NEDD4L: variants seen among roughly 807,000 people sequenced by gnomAD.
NEDD4L encodes the protein NEDD4 like E3 ubiquitin protein ligase.
A neutral mutation model predicts 148.9 loss-of-function variants in NEDD4L; 54 were observed. That is an observed-to-expected ratio of 0.36 (90% CI 0.29 to 0.45). NEDD4L has a LOEUF of 0.45. Among genes scored for constraint, NEDD4L ranks in the 20% least tolerant of loss-of-function variants. The probability of loss-of-function intolerance (pLI) is 1.00; values close to 1 mark genes in which losing one functional copy is unlikely to be tolerated. For synonymous variants in NEDD4L, 433 were observed against 440.7 expected, an observed-to-expected ratio of 0.98 and a Z score of 0.22; for missense variants, 856 against 1,233.8, an observed-to-expected ratio of 0.69 and a Z score of 4.59.
In NEDD4L at chr18:58,082,352, C is replaced by T. The variant is rs374951087; in HGVS notation, c.48+37644C>T. On this transcript the variant is annotated intron_variant, in intron 1 of 30. Transcript: ENST00000400345. ...CGAACTTCTGACCTCGTGATCCACC[C>T]GCCTCTGCCTCCCAAAGTGCTGGGA... Among the ~76,000 whole-genome samples, 221 of 149,024 alleles carry T rather than the reference C, an allele frequency of 1.5e-3. 2 individuals are homozygous for T. The highest frequency in any genetic ancestry group is 6.1e-4 in the Non-Finnish European group (41 of 67,296).
chr18:58,375,907 A>G (rs2047501931), intron 24 of NEDD4L, among the ~76,000 whole-genome samples: 1 of 152,194 alleles, frequency 6.6e-6, no homozygotes, highest in South Asian at 2.1e-4. Flanking sequence ...AGGGTCTTAA[A>G]CTGCCAATTT....
At chr18:58,301,710 T>G (rs1156356436) in intron 5 of NEDD4L, among the ~76,000 whole-genome samples, 1 of 152,206 alleles carries the variant, frequency 6.6e-6, no homozygotes, top group Non-Finnish European at 1.5e-5. Flanking sequence ...CAAGCTGTTG[T>G]CTGTGAATCG....
At chr18:58,064,885 G>A (rs2082520734) in intron 1 of NEDD4L, among the ~76,000 whole-genome samples, 1 of 152,128 alleles carries the variant, frequency 6.6e-6, no homozygotes, top group African/African-American at 2.4e-5. Flanking sequence ...AGGATTGCGT[G>A]AGGCCAGGAG....
chr18:58,099,205 G>A (rs1456549993), intron 1 of NEDD4L, among the ~76,000 whole-genome samples: 1 of 151,152 alleles, frequency 6.6e-6, no homozygotes, highest in Non-Finnish European at 1.5e-5. Context: ...TTGGAGACAA[G>A]TTTTTTTCTC....
At chr18:58,335,624 T>A (rs2041645989) in intron 13 of NEDD4L, 87 bp downstream of exon 13, 5 of 999,248 alleles carry the variant, frequency 5.0e-6, no homozygotes, top group Admixed American at 3.4e-5. Flanking sequence ...ACGCTGTTTT[T>A]AAAAATAAGA....
At chr18:58,175,286 C>T (rs922147950) in intron 2 of NEDD4L, among the ~76,000 whole-genome samples, 5 of 152,302 alleles carry the variant, frequency 3.3e-5, no homozygotes, top group East Asian at 1.9e-4. Context: ...GGTGGGACTG[C>T]GCCTTTCTGG....
chr18:58,249,965 GTTAACTCTGAAATATAGCTTT>G (rs2047700220), intron 4 of NEDD4L, among the ~76,000 whole-genome samples: 1 of 152,326 alleles, frequency 6.6e-6, no homozygotes, highest in African/African-American at 2.4e-5. Context: ...TTGGCCTTTA[GTTAACTCTGAAATATAGCTTT>G]CCACTTGTGA....
intron 1 of NEDD4L, among the ~76,000 whole-genome samples, chr18:58,080,276 C>G (rs2083364800): frequency 6.6e-6 from 1 of 152,220 alleles, no homozygotes; most frequent in Non-Finnish European, 1.5e-5. Context: ...AGACACCTGG[C>G]TCCGGCATAT....
At chr18:58,232,405 G>A (rs1250119682) in intron 2 of NEDD4L, among the ~76,000 whole-genome samples, 1 of 152,220 alleles carries the variant, frequency 6.6e-6, no homozygotes, top group Non-Finnish European at 1.5e-5. Context: ...TCTCCAGTGT[G>A]TGTCCAGCTT....
At chr18:58,263,137 G>A (rs150465139) in intron 5 of NEDD4L, among the ~76,000 whole-genome samples, 18 of 152,236 alleles carry the variant, frequency 1.2e-4, no homozygotes, top group African/African-American at 4.1e-4. Context: ...TTTAGTATTC[G>A]GAAACTTTGT....
chr18:58,307,775 G>T (rs933777415), intron 5 of NEDD4L, among the ~76,000 whole-genome samples: 5 of 152,142 alleles, frequency 3.3e-5, no homozygotes, highest in Non-Finnish European at 7.4e-5. Flanking sequence ...TTGAACCCCT[G>T]GTGTACTTAG....
At chr18:58,144,482 C>T (rs1291685826) in intron 1 of NEDD4L, among the ~76,000 whole-genome samples, 1 of 152,176 alleles carries the variant, frequency 6.6e-6, no homozygotes, top group African/African-American at 2.4e-5. Context: ...AGCCCCACCT[C>T]CAACACCGGG....
intron 1 of NEDD4L, among the ~76,000 whole-genome samples, chr18:58,069,118 A>G (rs2082745678): frequency 7.0e-6 from 1 of 142,660 alleles, no homozygotes; most frequent in Non-Finnish European, 1.5e-5. Context: ...CCTGTGTGAT[A>G]GAGTGAGAAT....
At chr18:58,357,318 G>A (rs1161686349) in intron 19 of NEDD4L, 66 bp downstream of exon 19, 1 of 1,318,896 alleles carries the variant, frequency 7.6e-7, no homozygotes, top group South Asian at 1.2e-5. Flanking sequence ...TGTTTCTTGT[G>A]TATTACTGAT....
intron 1 of NEDD4L, among the ~76,000 whole-genome samples, chr18:58,095,010 G>C (rs1264291321): frequency 6.6e-6 from 1 of 152,060 alleles, no homozygotes; most frequent in Non-Finnish European, 1.5e-5. Flanking sequence ...TGACACATTA[G>C]ACGATCTAGA....
At position 58,400,207 on chromosome 18, in the gene NEDD4L, C is replaced by G. The variant is rs1048037267; in HGVS notation, c.*3938C>G. On this transcript the variant is annotated 3_prime_UTR_variant, in exon 31 of 31. Coordinates refer to ENST00000400345, the MANE Select transcript of NEDD4L (RefSeq NM_001144967.3). ...TGTGCAGGGTAACTGCCCGCCTGCT[C>G]CCTTCCTGACCTCCCCTGACCCCGA... 1 of 152,264 alleles carries G rather than the reference C, an allele frequency of 6.6e-6. No homozygotes were observed. Among genetic ancestry groups the G allele is most frequent in the African/African-American group, 2.4e-5 (1 of 41,428 alleles). 9.4% of individuals were successfully genotyped at this position (152,264 alleles called of 1,614,324 possible). A position where few individuals can be genotyped will look rare whatever the true frequency, so the allele number is the denominator to read the frequency against.
chr18:58,385,202 C>T (rs1465806009), intron 25 of NEDD4L, among the ~76,000 whole-genome samples: 22 of 152,176 alleles, frequency 1.4e-4, no homozygotes. Flanking sequence ...TCCCTTTTCT[C>T]CATGTTGTCA....
chr18:58,180,649 T>C (rs889355764), intron 2 of NEDD4L, among the ~76,000 whole-genome samples: 1 of 152,250 alleles, frequency 6.6e-6, no homozygotes, highest in Non-Finnish European at 1.5e-5. Flanking sequence ...ATTTCATTAA[T>C]TTTCTCATTT....
chr18:58,255,504 G>C (rs886078738), intron 5 of NEDD4L: 7 of 1,230,718 alleles, frequency 5.7e-6, no homozygotes, highest in Non-Finnish European at 7.1e-6. Flanking sequence ...GCTATCTGTC[G>C]CTCCCGGTGC....
Sources: allele counts gnomAD v4.1 joint callset (sites outside exome capture counted in the v4.1 genomes callset), GRCh38; gene constraint gnomAD v4.1.1; transcripts MANE v1.5; gene names NCBI Gene and HGNC (gene_info 2026-07-23, HGNC 2026-07-21).